USP29: variants seen among roughly 807,000 people sequenced by gnomAD.
USP29 encodes ubiquitin carboxyl-terminal hydrolase 29.
For synonymous variants in USP29, 386 were observed against 387.4 expected (o/e 1.00, Z 0.04); for missense variants, 1,102 against 1,069.0 (o/e 1.03, Z -0.43).
intron 1 of USP29, among the ~76,000 whole-genome samples, chr19:57,122,013 A>G (rs899554217): frequency 1.2e-4 from 19 of 152,052 alleles, no homozygotes; most frequent in Non-Finnish European, 2.5e-4. Context: ...GAGAAAGCAG[A>G]CAGATGTGGC....
At position 57,130,842 on chromosome 19, in the gene USP29, A is replaced by G. The variant is rs1396265010; in HGVS notation, c.2167A>G (p.Ile723Val). Residue 723 changes from isoleucine to valine, a missense_variant, in exon 4 of 4, where the codon ATT becomes GTT. Transcript: ENST00000254181. Reference sequence around the variant, plus strand: ...CTTTTATGACTGTAAAGAAAACAGGATTCCAGAAGGATCTCAAGGAATGGC... The same window carrying G: ...CTTTTATGACTGTAAAGAAAACAGGGTTCCAGAAGGATCTCAAGGAATGGC... ...NGFYDCKENR[I>V]PEGSQGMAEQ... The G allele has an allele frequency of 1.1e-5, 17 of 1,614,106 alleles. No homozygotes were observed. Among genetic ancestry groups the G allele is most frequent in the Non-Finnish European group, 1.4e-5 (17 of 1,180,042 alleles).
rs576638675 is a variant in USP29 at position 57,129,462 on chromosome 19, A to G, written c.787A>G (p.Ser263Gly). 1.3e-4 allele frequency: 213 copies of G among 1,614,240 alleles called. 2 individuals carry two copies. The South Asian group carries it at 2.2e-3, about 17-fold the overall frequency. Residue 263 changes from serine to glycine, a missense_variant, in exon 4 of 4, where the codon AGC becomes GGC. Coordinates refer to ENST00000254181, the MANE Select transcript of USP29 (RefSeq NM_020903.3). ...GLTSPLEPEHSQGDPRCNKAQ... is the reference protein window; with the variant it reads ...GLTSPLEPEHGQGDPRCNKAQ... ...GACATCTCCATTGGAACCAGAGCAC[A>G]GCCAGGGTGACCCAAGATGCAACAA...
chr19:57,131,389 C>G lies in USP29; in HGVS notation c.2714C>G (p.Ala905Gly), dbSNP rs747173787. 1 of 1,614,074 alleles carries G rather than the reference C, an allele frequency of 6.2e-7. No homozygotes were observed. The highest frequency in any genetic ancestry group is 8.5e-7 in the Non-Finnish European group (1 of 1,179,998). The change falls in exon 4 of 4, where the codon GCA becomes GGA. Residue 905 changes from alanine (A) to glycine (G), a missense_variant. Transcript: ENST00000254181. The part of the protein sequence containing the change: ...AENSRLPSTQ[A>G]GVIPQGEYEG... The stretch of plus-strand genomic sequence containing the variant: ...AACTCTCGGCTACCTAGCACACAGG[C>G]AGGGGTGATCCCTCAGGGGGAATAC...
intron 3 of USP29, among the ~76,000 whole-genome samples, chr19:57,124,811 A>G (rs1166691806): frequency 2.0e-5 from 3 of 152,078 alleles, no homozygotes; most frequent in Non-Finnish European, 2.9e-5. Flanking sequence ...GCCCAGACAG[A>G]ACTTCTTTAT....
In USP29 at chr19:57,130,474, A is replaced by G; in HGVS notation, c.1799A>G (p.Asn600Ser). 1.2e-6 allele frequency: 2 copies of G among 1,614,182 alleles called. No individual in the cohort carries two copies. The highest frequency in any genetic ancestry group is 2.2e-5 in the East Asian group (1 of 44,878). The change falls in exon 4 of 4, where the codon AAT becomes AGT. Residue 600 changes from asparagine to serine, a missense_variant. Asn to Ser is a conservative substitution (Grantham distance 46, BLOSUM62 1). Transcript: ENST00000254181. ...SLVLPVEPDK[N>S]ADLQRFQRDC... Reference sequence around the variant, plus strand: ...GTTCTACCCGTTGAACCAGACAAGAATGCCGACCTACAAAGATTCCAGAGA... The same window carrying G: ...GTTCTACCCGTTGAACCAGACAAGAGTGCCGACCTACAAAGATTCCAGAGA...
Position 57,130,530 on chromosome 19 carries a change from CAG to C in USP29, c.1861_1862del (p.Asp621ProfsTer15), listed in dbSNP as rs1568456541. ...TGGAGATGCAAGCCAAGAGCAGCAT[CAG>C]AGAGACCTGGAAAATGGCTCTGCAC... ...DCGDASQEQH[Q>X]RDLENGSALE... is the part of the protein sequence containing the mutation. On this transcript the variant is annotated frameshift_variant, in exon 4 of 4. Transcript: ENST00000254181. LOFTEE classifies it low-confidence loss of function (END_TRUNC). 2 of 1,614,174 alleles carry C rather than the reference CAG, an allele frequency of 1.2e-6. No individual in the cohort carries two copies. Among genetic ancestry groups the C allele is most frequent in the East Asian group, 2.2e-5 (1 of 44,880 alleles).
In USP29 at chr19:57,130,672, G is replaced by A; in HGVS notation, c.1997G>A (p.Gly666Glu). The part of the protein sequence containing the change: ...DISLPVMYED[G>E]GKLISSPDTR... ...TCTCTTCCTGTGATGTATGAAGATG[G>A]AGGGAAGCTGATCAGCAGCCCAGAC... The change falls in exon 4 of 4, where the codon GGA becomes GAA. Residue 666 changes from glycine (G) to glutamate (E), a missense_variant. By Grantham distance (98) the Gly-to-Glu change is moderately conservative. Transcript: ENST00000254181. 1 of 1,614,178 alleles carries A rather than the reference G, an allele frequency of 6.2e-7. No homozygotes were observed. Among genetic ancestry groups the A allele is most frequent in the Non-Finnish European group, 8.5e-7 (1 of 1,180,032 alleles).
intron 3 of USP29, among the ~76,000 whole-genome samples, chr19:57,128,089 G>T (rs568196261): frequency 5.3e-5 from 8 of 152,232 alleles, no homozygotes; most frequent in African/African-American, 1.9e-4. Context: ...CCCTCCATGG[G>T]TTGCACCCAC....
intron 1 of USP29, among the ~76,000 whole-genome samples, chr19:57,121,201 A>G (rs1386342299): frequency 6.6e-6 from 1 of 150,818 alleles, no homozygotes; most frequent in Non-Finnish European, 1.5e-5. Context: ...AGAACGTAAA[A>G]TGATCTTTTT....
At chr19:57,121,148 G>A (rs2086793503) in intron 1 of USP29, among the ~76,000 whole-genome samples, 1 of 150,968 alleles carries the variant, frequency 6.6e-6, no homozygotes, top group Non-Finnish European at 1.5e-5. Context: ...CACTGCAATA[G>A]AAAAATAAAA....
chr19:57,124,213 G>C (rs530126135), intron 3 of USP29, 74 bp downstream of exon 3: 1 of 152,200 alleles, frequency 6.6e-6, no homozygotes, highest in Non-Finnish European at 1.5e-5. Context: ...TGGAATGTTG[G>C]AAGGAAGTAG....
chr19:57,121,998 G>A (rs915202569), intron 1 of USP29, among the ~76,000 whole-genome samples: 2 of 151,580 alleles, frequency 1.3e-5, no homozygotes, highest in African/African-American at 4.9e-5. Context: ...ATCAAAAGAG[G>A]GAGAGAGAAA....
At position 57,128,766 on chromosome 19, in the gene USP29, C is replaced by T. The variant is rs2086836626; in HGVS notation, c.91C>T (p.Gln31Ter). The T allele has an allele frequency of 6.2e-7, 1 of 1,613,648 alleles. No homozygotes were observed. Among genetic ancestry groups the T allele is most frequent in the East Asian group, 2.2e-5 (1 of 44,846 alleles). ...GAAAGAAGCTCTCATTGAAACAGTG[C>T]AAAGACAAAAGGAAATTAAACTGGT... is the stretch of plus-strand genomic sequence containing the variant. Reference protein sequence around the residue: ...KLKEALIETVQRQKEIKLVVT... With the variant: ...KLKEALIETV The change falls in exon 4 of 4, where the codon CAA becomes TAA. Residue 31 changes from glutamine to a stop codon, truncating the protein, a stop_gained. Coordinates refer to ENST00000254181, the MANE Select transcript of USP29 (RefSeq NM_020903.3). LOFTEE classifies it low-confidence loss of function (END_TRUNC).
intron 3 of USP29, among the ~76,000 whole-genome samples, chr19:57,127,544 T>G (rs1198596973): frequency 6.6e-6 from 1 of 152,174 alleles, no homozygotes; most frequent in African/African-American, 2.4e-5. Flanking sequence ...TGGTGAACTT[T>G]GCCCAGTCCA....
intron 1 of USP29, among the ~76,000 whole-genome samples, chr19:57,121,088 C>G (rs1463123534): frequency 1.3e-5 from 2 of 150,128 alleles, no homozygotes; most frequent in Non-Finnish European, 3.0e-5. Flanking sequence ...GAGTGAGACT[C>G]CATCCCCGCT....
rs1246574551 is a variant in USP29 at position 57,130,711 on chromosome 19, A to C, written c.2036A>C (p.Glu679Ala). The change falls in exon 4 of 4, where the codon GAG (glutamate) becomes GCG (alanine). Residue 679 changes from glutamate to alanine, a missense_variant. By Grantham distance (107) the Glu-to-Ala change is moderately radical (BLOSUM62 -1). Transcript: ENST00000254181. ...LISSPDTRLV[E>A]VHLQEVPQHP... ...AGCAGCCCAGACACAAGGCTTGTCG[A>C]GGTTCATCTTCAAGAGGTGCCTCAA... 3 of 1,614,084 alleles carry C rather than the reference A, an allele frequency of 1.9e-6. No homozygotes were observed. In the East Asian group the frequency reaches 6.7e-5, roughly 36 times the overall value.
Position 57,130,550 on chromosome 19 carries a change from C to T in USP29, c.1875C>T (p.Gly625=). The change falls in exon 4 of 4, where the codon GGC becomes GGT. Residue 625 remains glycine (G), a synonymous_variant. Coordinates refer to ENST00000254181, the MANE Select transcript of USP29 (RefSeq NM_020903.3). ...AGCATCAGAGAGACCTGGAAAATGGCTCTGCACTAGAGTCAGAATTGGTCC... is the reference window on the plus strand; with the variant it reads ...AGCATCAGAGAGACCTGGAAAATGGTTCTGCACTAGAGTCAGAATTGGTCC... The part of the protein sequence containing the change: ...QEQHQRDLEN[G]SALESELVHF... 6.2e-7 allele frequency: 1 copy of T among 1,614,144 alleles called. No individual in the cohort carries two copies. Among genetic ancestry groups the T allele is most frequent in the East Asian group, 2.2e-5 (1 of 44,878 alleles).
At chr19:57,126,179 G>T (rs925143626) in intron 3 of USP29, among the ~76,000 whole-genome samples, 8 of 152,118 alleles carry the variant, frequency 5.3e-5, no homozygotes, top group Admixed American at 4.6e-4. Context: ...CTCTCTGGCT[G>T]CCCTTAACAT....
chr19:57,124,326 ATG>A (rs2086812156), intron 3 of USP29, among the ~76,000 whole-genome samples, 187 bp downstream of exon 3: 1 of 148,284 alleles, frequency 6.7e-6, no homozygotes, highest in African/African-American at 2.5e-5. Context: ...GTGTTTTGAG[ATG>A]TCTTTCCCTT....
Sources: gnomAD v4.1 joint callset for allele counts (sites outside exome capture counted in the v4.1 genomes callset) on GRCh38, gnomAD v4.1.1 for gene constraint, MANE v1.5 for transcripts, NCBI Gene and HGNC (gene_info 2026-07-23, HGNC 2026-07-21) for gene names.